The following WLS variants were observed in gnomAD, a reference collection of about 807,000 sequenced individuals.
The protein encoded by WLS is Wnt ligand secretion mediator.
A neutral mutation model predicts 62.8 loss-of-function variants in WLS; 23 were observed. The ratio of observed to expected loss-of-function variants is 0.37; its 90% confidence interval spans 0.26 to 0.52. WLS has a LOEUF of 0.52. Among genes scored for constraint, WLS ranks in the 20% least tolerant of loss-of-function variants. The pLI, the probability that WLS is intolerant of heterozygous loss-of-function variation, is 0.92. For missense variants in WLS, 615 were observed against 697.3 expected, an observed-to-expected ratio of 0.88 and a Z score of 1.33; for synonymous variants, 246 against 244.1, an observed-to-expected ratio of 1.01 and a Z score of -0.07.
At chr1:68,207,980 T>A (rs893262600) in intron 1 of WLS, among the ~76,000 whole-genome samples, 68 of 152,222 alleles carry the variant, frequency 4.5e-4, no homozygotes, top group African/African-American at 1.6e-3. Context: ...GGTGTGTTCA[T>A]CAATATTTAA....
At chr1:68,196,876 T>A (rs916158049) in intron 1 of WLS, among the ~76,000 whole-genome samples, 23 of 152,128 alleles carry the variant, frequency 1.5e-4, no homozygotes, top group African/African-American at 5.3e-4. Context: ...ACTTTGGTTA[T>A]CCTGACTCAG....
chr1:68,131,087 T>TGTGTGTGTG (rs1557462863), intron 11 of WLS, among the ~76,000 whole-genome samples: 1 of 105,746 alleles, frequency 9.5e-6, no homozygotes, highest in Non-Finnish European at 2.2e-5. Context: ...TGTGTGTGTG[T>TGTGTGTGTG]TTTTAAGTAG....
At position 68,125,546 on chromosome 1, in the gene WLS, T is replaced by C; in HGVS notation, c.*680A>G. 1.0e-6 allele frequency: 1 copy of C among 985,336 alleles called. No homozygotes were observed. Among genetic ancestry groups the C allele is most frequent in the Non-Finnish European group, 1.2e-6 (1 of 829,930 alleles). 61.0% of individuals were successfully genotyped at this position (985,336 alleles called of 1,614,324 possible). A position where few individuals can be genotyped will look rare whatever the true frequency, so the allele number is the denominator to read the frequency against. On this transcript the variant is annotated 3_prime_UTR_variant, in exon 12 of 12. Coordinates refer to ENST00000262348, the MANE Select transcript of WLS (RefSeq NM_024911.7). ...TTTAATACAGTAAATCTTACTTGGG[T>C]AGTTTAGCAAACATTTTTTAAAACC...
At chr1:68,230,349 G>T (rs1398462310) in intron 1 of WLS, among the ~76,000 whole-genome samples, 1 of 152,028 alleles carries the variant, frequency 6.6e-6, no homozygotes, top group African/African-American at 2.4e-5. Flanking sequence ...TTTAATTATG[G>T]TCTGCCACTG....
chr1:68,161,130 C>G (rs1020092145), intron 2 of WLS, among the ~76,000 whole-genome samples: 1 of 151,458 alleles, frequency 6.6e-6, no homozygotes, highest in Non-Finnish European at 1.5e-5. Context: ...AAAGTTAATA[C>G]TTTTTTTTTG....
At chr1:68,109,136 G>C (rs768988685) in intron 11 of WLS, among the ~76,000 whole-genome samples, 2 of 152,208 alleles carry the variant, frequency 1.3e-5, no homozygotes, top group African/African-American at 2.4e-5. Flanking sequence ...TAGGTGAAAG[G>C]CAGGGTTGCC....
At chr1:68,209,624 C>CA (rs1408318549) in intron 1 of WLS, among the ~76,000 whole-genome samples, 1 of 152,110 alleles carries the variant, frequency 6.6e-6, no homozygotes, top group Non-Finnish European at 1.5e-5. Flanking sequence ...ACTAAAAATA[C>CA]AAAAAATTAG....
intron 9 of WLS, among the ~76,000 whole-genome samples, 171 bp from the exon 10 acceptor site, chr1:68,144,823 G>C (rs1570884454): frequency 6.6e-6 from 1 of 152,152 alleles, no homozygotes; most frequent in Non-Finnish European, 1.5e-5. Context: ...GAGTGTGGCT[G>C]AAAATTTCTT....
downstream of WLS, among the ~76,000 whole-genome samples, chr1:68,121,626 A>G (rs772115959): frequency 6.6e-6 from 1 of 152,226 alleles, no homozygotes; most frequent in Non-Finnish European, 1.5e-5. Context: ...CCGGAGCACT[A>G]CAGGATAAAA....
intron 2 of WLS, among the ~76,000 whole-genome samples, chr1:68,165,516 CAAG>C (rs201195332): frequency 0.013 from 2,047 of 152,170 alleles, 28 homozygotes; most frequent in Non-Finnish European, 0.022. Flanking sequence ...TCTGGCTTCC[CAAG>C]AAGAACTAGA....
chr1:68,162,556 C>T (rs1005306788), intron 2 of WLS: 26 of 1,581,900 alleles, frequency 1.6e-5, no homozygotes, highest in Non-Finnish European at 1.8e-5. Context: ...CATTTCCCCA[C>T]GGATGCTGGC....
chr1:68,160,812 CAA>C (rs1160509483), intron 2 of WLS, among the ~76,000 whole-genome samples: 2 of 152,096 alleles, frequency 1.3e-5, no homozygotes, highest in Non-Finnish European at 2.9e-5. Context: ...CAATGATTCA[CAA>C]AAGACTGTGA....
chr1:68,144,659 G>T lies in WLS; in HGVS notation c.1279-7C>A. 1 of 1,611,160 alleles carries T rather than the reference G, an allele frequency of 6.2e-7. No homozygotes were observed. The highest frequency in any genetic ancestry group is 8.5e-7 in the Non-Finnish European group (1 of 1,177,736). ...TGAACCTAAAAATTAGCCCCTATTAGAAAAGAAAGAGTAGTTTAATACTCC... is the reference window on the plus strand; with the variant it reads ...TGAACCTAAAAATTAGCCCCTATTATAAAAGAAAGAGTAGTTTAATACTCC... On this transcript the variant is annotated splice_polypyrimidine_tract_variant and splice_region_variant and intron_variant, in intron 9 of 11. Transcript: ENST00000262348.
At chr1:68,147,152 T>C (rs1570889315) in intron 8 of WLS, among the ~76,000 whole-genome samples, 1 of 152,316 alleles carries the variant, frequency 6.6e-6, no homozygotes. Context: ...TTTCCTATAA[T>C]GAACATCATC....
Position 68,125,928 on chromosome 1 carries a change from A to C in WLS, c.*298T>G. ...TACACCCCCACCCCACCCCCACATG[A>C]GGTTTACTAACCAGCTGCTACAGAT... On this transcript the variant is annotated 3_prime_UTR_variant, in exon 12 of 12. Coordinates refer to ENST00000262348, the MANE Select transcript of WLS (RefSeq NM_024911.7). 1 of 1,102,120 alleles carries C rather than the reference A, an allele frequency of 9.1e-7. No homozygotes were observed. Among genetic ancestry groups the C allele is most frequent in the Non-Finnish European group, 1.1e-6 (1 of 904,060 alleles). The allele number at this position is 1,102,120 out of a possible 1,614,324, so 68.3% of individuals were successfully genotyped here.
chr1:68,208,372 A>G (rs1301345891), intron 1 of WLS, among the ~76,000 whole-genome samples: 1 of 152,058 alleles, frequency 6.6e-6, no homozygotes, highest in Non-Finnish European at 1.5e-5. Flanking sequence ...ATGAGGATTC[A>G]ACTATTGCTA....
At chr1:68,132,294 G>A (rs1489107810) in intron 11 of WLS, among the ~76,000 whole-genome samples, 2 of 152,162 alleles carry the variant, frequency 1.3e-5, no homozygotes, top group South Asian at 2.1e-4. Context: ...ATGGGAAAAC[G>A]CTTTTAAGAC....
At position 68,126,185 on chromosome 1, in the gene WLS, T is replaced by TG. The variant is rs1293798706; in HGVS notation, c.*40dup. ...TGCTCCCCACTCTAGTTAGAGGGGCTGGGGTATGGAGAGACCGTCCCAGCC... is the reference window on the plus strand; with the variant it reads ...TGCTCCCCACTCTAGTTAGAGGGGCTGGGGGTATGGAGAGACCGTCCCAGCC... On this transcript the variant is annotated 3_prime_UTR_variant, in exon 12 of 12. Transcript: ENST00000262348. 1.2e-6 allele frequency: 2 copies of TG among 1,611,592 alleles called. No homozygotes were observed. Among genetic ancestry groups the TG allele is most frequent in the Non-Finnish European group, 1.7e-6 (2 of 1,178,884 alleles).
At chr1:68,182,682 T>A (rs1031917885) in intron 2 of WLS, among the ~76,000 whole-genome samples, 7 of 150,792 alleles carry the variant, frequency 4.6e-5, no homozygotes, top group African/African-American at 1.7e-4. Context: ...TACCTAACAC[T>A]ACAAACCCTA....
Sources: gnomAD v4.1 joint callset for allele counts (sites outside exome capture counted in the v4.1 genomes callset) on GRCh38, gnomAD v4.1.1 for gene constraint, MANE v1.5 for transcripts, NCBI Gene and HGNC (gene_info 2026-07-23, HGNC 2026-07-21) for gene names.